ABCD3: variants seen among roughly 807,000 people sequenced by gnomAD.
ABCD3 encodes ATP-binding cassette sub-family D member 3.
Under a neutral mutation model 105.5 loss-of-function variants are expected in ABCD3, and 41 were observed. The ratio of observed to expected loss-of-function variants is 0.39; its 90% CI spans 0.30 to 0.50. The LOEUF (loss-of-function observed/expected upper bound fraction) is 0.50. Ranked by LOEUF, ABCD3 falls within the 20% of genes least tolerant of loss-of-function variation. The pLI, the probability that ABCD3 is intolerant of heterozygous loss-of-function variation, is 0.84. For synonymous variants in ABCD3, 258 were observed against 269.0 expected (o/e 0.96, Z 0.40); for missense variants, 622 against 806.3 (o/e 0.77, Z 2.77).
upstream of ABCD3, among the ~76,000 whole-genome samples, chr1:94,415,623 G>T (rs558514850): frequency 3.3e-5 from 5 of 151,798 alleles, no homozygotes; most frequent in Admixed American, 6.6e-5. Flanking sequence ...AGTTACAGAA[G>T]CAGTCTCCAT....
At chr1:94,494,693 T>C (rs746455009) in intron 16 of ABCD3, among the ~76,000 whole-genome samples, 8 of 152,332 alleles carry the variant, frequency 5.3e-5, no homozygotes, top group Non-Finnish European at 7.4e-5. Flanking sequence ...TTCTTTGGAA[T>C]AAGAGATTTT....
At chr1:94,453,381 C>T (rs1038663256) in intron 1 of ABCD3, among the ~76,000 whole-genome samples, 4 of 149,244 alleles carry the variant, frequency 2.7e-5, no homozygotes, top group African/African-American at 7.4e-5. Context: ...TGCAGTGGCG[C>T]GATCTCGGCT....
At chr1:94,444,482 A>T (rs191457476) in intron 1 of ABCD3, among the ~76,000 whole-genome samples, 1 of 152,102 alleles carries the variant, frequency 6.6e-6, no homozygotes, top group Non-Finnish European at 1.5e-5. Context: ...TTTATTTTAA[A>T]TTATTTTAGG....
At chr1:94,485,400 G>T (rs1444222323) in intron 10 of ABCD3, among the ~76,000 whole-genome samples, 1 of 152,144 alleles carries the variant, frequency 6.6e-6, no homozygotes, top group Non-Finnish European at 1.5e-5. Context: ...AGTTAAAGAG[G>T]TTAAAGAAAT....
the ABCD3 span, among the ~76,000 whole-genome samples, chr1:94,399,696 T>C: frequency 6.6e-5 from 10 of 152,252 alleles, no homozygotes; most frequent in East Asian, 1.9e-3. Context: ...GGGTGTGGCA[T>C]GGATAACTTG....
the ABCD3 span, among the ~76,000 whole-genome samples, chr1:94,404,895 C>T: frequency 2.0e-5 from 3 of 148,868 alleles, 1 homozygote; most frequent in East Asian, 3.9e-4. Flanking sequence ...GCTGATATTG[C>T]GCCGCTGCAC....
chr1:94,458,143 G>A (rs1300479056), intron 1 of ABCD3, among the ~76,000 whole-genome samples: 1 of 152,150 alleles, frequency 6.6e-6, no homozygotes, highest in Non-Finnish European at 1.5e-5. Flanking sequence ...AATGACACAT[G>A]TTCTGTCATC....
chr1:94,389,430 C>T, the ABCD3 span, among the ~76,000 whole-genome samples: 1 of 152,202 alleles, frequency 6.6e-6, no homozygotes, highest in African/African-American at 2.4e-5. Context: ...TGCTTGAAGG[C>T]GTTCCTGAAC....
At position 94,418,421 on chromosome 1, in the gene ABCD3, A is replaced by C. The variant is rs1659105681; in HGVS notation, c.-58A>C. ...TCCCCCGCGCTGCGTGCAGTAAGGTAGCCGCCGCCGCCGCCGCCGCCGCGT... is the reference window on the plus strand; with the variant it reads ...TCCCCCGCGCTGCGTGCAGTAAGGTCGCCGCCGCCGCCGCCGCCGCCGCGT... On this transcript the variant is annotated 5_prime_UTR_variant, in exon 1 of 23. Transcript: ENST00000370214. 2.1e-6 allele frequency: 3 copies of C among 1,405,490 alleles called. No individual in the cohort carries two copies. The highest frequency in any genetic ancestry group is 1.9e-5 in the Admixed American group (1 of 51,562). The allele number at this position is 1,405,490 out of a possible 1,614,324, so 87.1% of individuals were successfully genotyped here. A position where few individuals can be genotyped will look rare whatever the true frequency, so the allele number is the denominator to read the frequency against.
the ABCD3 span, among the ~76,000 whole-genome samples, chr1:94,387,543 A>T: frequency 6.6e-6 from 1 of 152,096 alleles, no homozygotes; most frequent in African/African-American, 2.4e-5. Flanking sequence ...ATGAAGAACA[A>T]TTCCATTTCT....
the ABCD3 span, chr1:94,406,338 T>TG: frequency 4.9e-6 from 1 of 205,656 alleles, no homozygotes; most frequent in East Asian, 1.2e-4. Context: ...GTATTTTGTT[T>TG]TGTTTTTTTT....
At chr1:94,434,540 T>C (rs1406595053) in intron 1 of ABCD3, among the ~76,000 whole-genome samples, 2 of 152,206 alleles carry the variant, frequency 1.3e-5, no homozygotes, top group Non-Finnish European at 2.9e-5. Flanking sequence ...TGCGGTATGA[T>C]GTCAGCTACA....
chr1:94,406,488 C>A, the ABCD3 span: 1 of 415,136 alleles, frequency 2.4e-6, no homozygotes. Flanking sequence ...AACAGGCTGG[C>A]GCTTCAGTTG....
chr1:94,450,912 C>A (rs1210622494), intron 1 of ABCD3, among the ~76,000 whole-genome samples: 1 of 152,182 alleles, frequency 6.6e-6, no homozygotes, highest in East Asian at 1.9e-4. Flanking sequence ...ACTTTATCAT[C>A]CTCCCAGATA....
intron 4 of ABCD3, among the ~76,000 whole-genome samples, chr1:94,470,404 T>G (rs1482962561): frequency 1.3e-5 from 2 of 152,182 alleles, no homozygotes; most frequent in Non-Finnish European, 2.9e-5. Flanking sequence ...ATCTAGTGGA[T>G]TCTGTTGTGC....
chr1:94,404,479 G>T, the ABCD3 span, among the ~76,000 whole-genome samples: 94 of 152,052 alleles, frequency 6.2e-4, 1 homozygote, highest in Middle Eastern at 3.4e-3. Context: ...AATAAAATCA[G>T]TTTCATTTGT....
intron 1 of ABCD3, among the ~76,000 whole-genome samples, chr1:94,429,840 G>A (rs144336255): frequency 0.01 from 1,543 of 152,306 alleles, 26 homozygotes; most frequent in African/African-American, 0.028. Flanking sequence ...ATCCCTGCTG[G>A]GGCACCACCT....
the ABCD3 span, among the ~76,000 whole-genome samples, chr1:94,401,977 T>A: frequency 6.6e-6 from 1 of 152,184 alleles, no homozygotes; most frequent in African/African-American, 2.4e-5. Context: ...TTTACCCCGC[T>A]CCCACATGCA....
chr1:94,450,194 GTTTGTC>G (rs1220998087), intron 1 of ABCD3, among the ~76,000 whole-genome samples: 4 of 152,330 alleles, frequency 2.6e-5, no homozygotes, highest in South Asian at 2.1e-4. Context: ...AATCTGTGTT[GTTTGTC>G]TTTGTATAGT....
Sources: gnomAD v4.1 joint callset for allele counts (sites outside exome capture counted in the v4.1 genomes callset) on GRCh38, gnomAD v4.1.1 for gene constraint, MANE v1.5 for transcripts, NCBI Gene and HGNC (gene_info 2026-07-23, HGNC 2026-07-21) for gene names.